The following SHISAL1 variants were observed in gnomAD, a reference collection of about 807,000 sequenced individuals.
The protein encoded by SHISAL1 is shisa like 1, also known as protein shisa-like-1.
In SHISAL1, 9 loss-of-function variants were observed where a neutral mutation model predicts 22.6. The ratio of observed to expected loss-of-function variants is 0.40; its 90% confidence interval spans 0.24 to 0.70. The LOEUF is 0.70. Ranked by LOEUF, SHISAL1 falls within the 30% of genes least tolerant of loss-of-function variation. The probability of loss-of-function intolerance (pLI) is 0.39; values close to 1 mark genes in which losing one functional copy is unlikely to be tolerated. For synonymous variants in SHISAL1, 119 were observed against 115.4 expected, an observed-to-expected ratio of 1.03 and a Z score of -0.20; for missense variants, 246 against 270.6, an observed-to-expected ratio of 0.91 and a Z score of 0.64.
chr22:44,280,027 C>A (rs1211222817), intron 4 of SHISAL1, among the ~76,000 whole-genome samples: 1 of 152,018 alleles, frequency 6.6e-6, no homozygotes, highest in East Asian at 1.9e-4. Context: ...GGCTTGGGGG[C>A]TGGGAGGGCT....
At chr22:44,279,167 C>T (rs576294904) in intron 4 of SHISAL1, among the ~76,000 whole-genome samples, 7 of 152,254 alleles carry the variant, frequency 4.6e-5, no homozygotes, top group African/African-American at 1.2e-4. Context: ...GCCAAGCTGT[C>T]CAAACAAACG....
In SHISAL1 at chr22:44,249,300, G is replaced by T. The variant is rs1387604076; in HGVS notation, c.*385C>A. Reference sequence around the variant, plus strand: ...AGGGGCCACTACTGGAGGGAGCAGGGGCAAGGGAAGCTTCGGTTTTCAACC... The same window carrying T: ...AGGGGCCACTACTGGAGGGAGCAGGTGCAAGGGAAGCTTCGGTTTTCAACC... On this transcript the variant is annotated 3_prime_UTR_variant, in exon 5 of 5. Coordinates refer to ENST00000381176, the MANE Select transcript of SHISAL1 (RefSeq NM_001099294.2). 6 of 209,532 alleles carry T rather than the reference G, an allele frequency of 2.9e-5. No individual in the cohort carries two copies. The highest frequency in any genetic ancestry group is 4.8e-5 in the Non-Finnish European group (5 of 104,712). 13.0% of individuals were successfully genotyped at this position (209,532 alleles called of 1,614,324 possible). A position where few individuals can be genotyped will look rare whatever the true frequency, so the allele number is the denominator to read the frequency against.
At chr22:44,306,657 C>G (rs1169099225) in intron 1 of SHISAL1, among the ~76,000 whole-genome samples, 1 of 133,786 alleles carries the variant, frequency 7.5e-6, no homozygotes, top group African/African-American at 2.8e-5. Flanking sequence ...GGGACCTGGG[C>G]TCGGGGAGCT....
At chr22:44,329,938 C>A in the SHISAL1 span, among the ~76,000 whole-genome samples, 1 of 152,190 alleles carries the variant, frequency 6.6e-6, no homozygotes, top group Admixed American at 6.5e-5. Flanking sequence ...AAGGTTTGGA[C>A]AATCAGAACC....
chr22:44,311,280 G>A (rs745895578), intron 1 of SHISAL1, among the ~76,000 whole-genome samples: 1 of 152,202 alleles, frequency 6.6e-6, no homozygotes, highest in Non-Finnish European at 1.5e-5. Context: ...GCCACGAGGA[G>A]AAGCACACTG....
rs138306212 is a variant in SHISAL1, at chr22:44,249,315, G to C, written c.*370C>G. 1 of 220,702 alleles carries C rather than the reference G, an allele frequency of 4.5e-6. No homozygotes were observed. The highest frequency in any genetic ancestry group is 8.9e-6 in the Non-Finnish European group (1 of 111,836). The allele number at this position is 220,702 out of a possible 1,614,324, so 13.7% of individuals were successfully genotyped here. On this transcript the variant is annotated 3_prime_UTR_variant, in exon 5 of 5. Coordinates refer to ENST00000381176, the MANE Select transcript of SHISAL1 (RefSeq NM_001099294.2). ...AGGGAGCAGGGGCAAGGGAAGCTTC[G>C]GTTTTCAACCACAGGTATAACTCAC...
Position 44,305,521 on chromosome 22 carries a change from A to G in SHISAL1, c.-32-4544T>C, listed in dbSNP as rs188678350. Reference sequence around the variant, plus strand: ...CACTGCAGAGATTTGTTGTGAGACAACGTGGTTCTAGGAAAGGACAGTGTG... The same window carrying G: ...CACTGCAGAGATTTGTTGTGAGACAGCGTGGTTCTAGGAAAGGACAGTGTG... On this transcript the variant is annotated intron_variant, in intron 1 of 4. Coordinates refer to ENST00000381176, the MANE Select transcript of SHISAL1 (RefSeq NM_001099294.2). Among the ~76,000 whole-genome samples, 31 of 152,348 alleles carry G rather than the reference A, an allele frequency of 2.0e-4. 1 individual carries two copies. The highest frequency in any genetic ancestry group is 5.5e-4 in the African/African-American group (23 of 41,588).
upstream of SHISAL1, among the ~76,000 whole-genome samples, chr22:44,315,753 T>A (rs964243572): frequency 1.1e-4 from 16 of 152,140 alleles, no homozygotes; most frequent in Non-Finnish European, 2.1e-4. Flanking sequence ...GATGGTGCCA[T>A]GCCTCCATCC....
chr22:44,292,482 C>T (rs2055359413), intron 3 of SHISAL1, among the ~76,000 whole-genome samples: 1 of 152,164 alleles, frequency 6.6e-6, no homozygotes, highest in African/African-American at 2.4e-5. Context: ...GGTGACTTCC[C>T]CAGCCTGGGG....
intron 4 of SHISAL1, among the ~76,000 whole-genome samples, chr22:44,253,833 T>TGTGTGC (rs2055066572): frequency 1.6e-5 from 1 of 61,566 alleles, no homozygotes; most frequent in Non-Finnish European, 2.7e-5. Context: ...ATCTAACAAC[T>TGTGTGC]GTGTGTGTGT....
chr22:44,298,140 T>C (rs987217573), intron 2 of SHISAL1, among the ~76,000 whole-genome samples: 1 of 152,238 alleles, frequency 6.6e-6, no homozygotes, highest in Non-Finnish European at 1.5e-5. Flanking sequence ...GTCTCAGCTT[T>C]TGGGGAACCA....
upstream of SHISAL1, among the ~76,000 whole-genome samples, chr22:44,317,838 T>G (rs1053665005): frequency 6.6e-6 from 1 of 152,246 alleles, no homozygotes; most frequent in African/African-American, 2.4e-5. Flanking sequence ...AATCCTTCTC[T>G]GCTTAGTCGT....
At chr22:44,270,514 G>A (rs1317004183) in intron 4 of SHISAL1, among the ~76,000 whole-genome samples, 3 of 152,194 alleles carry the variant, frequency 2.0e-5, no homozygotes, top group Non-Finnish European at 4.4e-5. Context: ...GGAGGAGCTG[G>A]GCAGTGAAGG....
In SHISAL1 at chr22:44,310,084, G is replaced by A. The variant is rs1283509276; in HGVS notation, c.-33+2667C>T. On this transcript the variant is annotated intron_variant, in intron 1 of 4. Coordinates refer to ENST00000381176, the MANE Select transcript of SHISAL1 (RefSeq NM_001099294.2). This position sits in a 1 kb window ranked among gnomAD's most constrained non-coding sequence, Gnocchi z 4.0. ...GGTGCCGGGCTCCACGGCTGACAGT[G>A]AGTGAGAAGGGCCAGCACCTCACAC... is the stretch of plus-strand genomic sequence containing the variant. Among the ~76,000 whole-genome samples the A allele has an allele frequency of 1.3e-5, 2 of 152,200 alleles. No homozygotes were observed. Among genetic ancestry groups the A allele is most frequent in the Non-Finnish European group, 2.9e-5 (2 of 68,042 alleles).
At chr22:44,269,093 C>T (rs1221045443) in intron 4 of SHISAL1, among the ~76,000 whole-genome samples, 2 of 151,992 alleles carry the variant, frequency 1.3e-5, no homozygotes, top group Non-Finnish European at 2.9e-5. Context: ...TAAACATCCA[C>T]AATACACACA....
At chr22:44,289,424 C>CT (rs1401961238) in intron 3 of SHISAL1, among the ~76,000 whole-genome samples, 1 of 151,968 alleles carries the variant, frequency 6.6e-6, no homozygotes, top group Non-Finnish European at 1.5e-5. Flanking sequence ...AGTCCCTGTC[C>CT]TCCCTCCTTG....
chr22:44,328,579 G>C, the SHISAL1 span, among the ~76,000 whole-genome samples: 1 of 152,034 alleles, frequency 6.6e-6, no homozygotes, highest in African/African-American at 2.4e-5. Flanking sequence ...CGCCCCAGAA[G>C]CCAAGGGCCT....
intron 4 of SHISAL1, among the ~76,000 whole-genome samples, chr22:44,253,056 A>G (rs2055059806): frequency 6.6e-6 from 1 of 152,040 alleles, no homozygotes; most frequent in African/African-American, 2.4e-5. Flanking sequence ...CTACAGAGGG[A>G]TGATGGTGAT....
chr22:44,264,267 G>A (rs575610456), intron 4 of SHISAL1, among the ~76,000 whole-genome samples: 11 of 152,304 alleles, frequency 7.2e-5, no homozygotes, highest in East Asian at 1.9e-4. Context: ...TTACAGTTGC[G>A]TAAAGTGAGG....
Sources: gnomAD v4.1 joint callset for allele counts (sites outside exome capture counted in the v4.1 genomes callset) on GRCh38, gnomAD v4.1.1 for gene constraint, Gnocchi (gnomAD v3.1) non-coding constraint, MANE v1.5 for transcripts, NCBI Gene and HGNC (gene_info 2026-07-23, HGNC 2026-07-21) for gene names.